The following ZNF138 variants were observed in gnomAD, a reference collection of about 807,000 sequenced individuals.
ZNF138 encodes zinc finger protein 138.
In ZNF138, 33 loss-of-function variants were observed where a neutral mutation model predicts 33.0. The ratio of observed to expected loss-of-function variants is 1.00; its 90% confidence interval spans 0.76 to 1.34. The LOEUF (loss-of-function observed/expected upper bound fraction) is 1.34, where lower values mean the gene tolerates loss of function less well. Among genes scored for constraint, ZNF138 ranks in the 40% most tolerant of loss-of-function variants. The probability of loss-of-function intolerance (pLI) is 0.00; values close to 1 mark genes in which losing one functional copy is unlikely to be tolerated. For synonymous variants in ZNF138, 139 were observed against 120.4 expected, an observed-to-expected ratio of 1.15 and a Z score of -1.01; for missense variants, 360 against 370.8, an observed-to-expected ratio of 0.97 and a Z score of 0.24.
At position 64,832,725 on chromosome 7, in the gene ZNF138, A is replaced by G; in HGVS notation, c.*523A>G. Reference sequence around the variant, plus strand: ...GTCCTCAACTCTTACTGCACATAAGATCATTCATACTGGAGAGAAACCTTA... The same window carrying G: ...GTCCTCAACTCTTACTGCACATAAGGTCATTCATACTGGAGAGAAACCTTA... On this transcript the variant is annotated 3_prime_UTR_variant, in exon 4 of 4. Transcript: ENST00000307355. 5 of 447,368 alleles carry G rather than the reference A, an allele frequency of 1.1e-5. 1 individual carries two copies. The highest frequency in any genetic ancestry group is 8.8e-5 in the South Asian group (5 of 56,924). 27.7% of individuals were successfully genotyped at this position (447,368 alleles called of 1,614,324 possible). A position where few individuals can be genotyped will look rare whatever the true frequency, so the allele number is the denominator to read the frequency against.
chr7:64,832,130 A>G lies in ZNF138; in HGVS notation c.888A>G (p.Lys296=). 1 of 1,612,850 alleles carries G rather than the reference A, an allele frequency of 6.2e-7. No individual in the cohort carries two copies. The highest frequency in any genetic ancestry group is 1.7e-5 in the Admixed American group (1 of 59,932). The change falls in exon 4 of 4, where the codon AAA becomes AAG. Residue 296 remains lysine (K), a synonymous_variant. Coordinates refer to ENST00000307355, the MANE Select transcript of ZNF138 (RefSeq NM_001271639.2). ...KVFKQSPTLT[K]HQIIYTGEEP... Reference sequence around the variant, plus strand: ...TTAAGCAGTCCCCAACCCTTACTAAACATCAGATAATTTATACTGGAGAGG... The same window carrying G: ...TTAAGCAGTCCCCAACCCTTACTAAGCATCAGATAATTTATACTGGAGAGG...
chr7:64,795,911 T>G (rs1374500446), intron 1 of ZNF138, among the ~76,000 whole-genome samples: 1 of 152,180 alleles, frequency 6.6e-6, no homozygotes, highest in Non-Finnish European at 1.5e-5. Context: ...TGAACTCTGG[T>G]TATCTGGGAA....
intron 3 of ZNF138, among the ~76,000 whole-genome samples, chr7:64,822,453 T>A (rs28841902): frequency 0.051 from 7,750 of 151,600 alleles, 323 homozygotes; most frequent in East Asian, 0.15. Context: ...ACATTTTTTT[T>A]AAAAAAATAT....
chr7:64,823,937 CA>C lies in ZNF138; in HGVS notation c.209-7507del, dbSNP rs201262406. On this transcript the variant is annotated intron_variant, in intron 3 of 3. Coordinates refer to ENST00000307355, the MANE Select transcript of ZNF138 (RefSeq NM_001271639.2). ...TGGGTGACAGATTGAGACTCCACCT[CA>C]AAAAAATAAATAAATAAATTTAATA... Among the ~76,000 whole-genome samples, 566 of 152,064 alleles carry C rather than the reference CA, an allele frequency of 3.7e-3. 5 individuals carry two copies. Among genetic ancestry groups the C allele is most frequent in the African/African-American group, 0.013 (531 of 41,476 alleles).
At chr7:64,798,885 T>C (rs1226487171) in intron 1 of ZNF138, among the ~76,000 whole-genome samples, 2 of 151,356 alleles carry the variant, frequency 1.3e-5, no homozygotes, top group African/African-American at 4.8e-5. Flanking sequence ...TTGGCTCTAT[T>C]CTGTTGCATT....
At chr7:64,841,473 T>G in the ZNF138 span, among the ~76,000 whole-genome samples, 1 of 151,332 alleles carries the variant, frequency 6.6e-6, no homozygotes, top group Non-Finnish European at 1.5e-5. Context: ...GCCATAAATA[T>G]TCCTGCTAGA....
downstream of ZNF138, among the ~76,000 whole-genome samples, chr7:64,838,147 C>A (rs556152909): frequency 8.1e-5 from 11 of 136,600 alleles, no homozygotes; most frequent in South Asian, 2.6e-3. Flanking sequence ...AGAGGGGTTC[C>A]CAAGTCTGGG....
At chr7:64,814,802 C>A in intron 1 of ZNF138, 116 bp from the exon 2 acceptor site, 2 of 1,361,946 alleles carry the variant, frequency 1.5e-6, no homozygotes, top group Non-Finnish European at 2.0e-6. Flanking sequence ...TCAGTCACTC[C>A]TGTAAGACAT....
intron 1 of ZNF138, chr7:64,814,191 C>A: frequency 9.7e-7 from 1 of 1,031,532 alleles, no homozygotes; most frequent in Non-Finnish European, 1.2e-6. Context: ...TATTCCATAT[C>A]TTCAGAAAAA....
chr7:64,840,070 T>C, the ZNF138 span, among the ~76,000 whole-genome samples: 149,905 of 152,116 alleles, frequency 0.99, 73,904 homozygotes, highest in East Asian at 1. Flanking sequence ...GTCGGGGTGG[T>C]GGGAACAGGA....
rs528161991 is a variant in ZNF138 at position 64,804,598 on chromosome 7, A to T, written c.3+10027A>T. Among the ~76,000 whole-genome samples the T allele has an allele frequency of 2.0e-5, 3 of 152,236 alleles. No individual in the cohort carries two copies. The East Asian group carries it at 5.8e-4, about 29-fold the overall frequency. On this transcript the variant is annotated intron_variant, in intron 1 of 3. Coordinates refer to ENST00000307355, the MANE Select transcript of ZNF138 (RefSeq NM_001271639.2). ...GGAGTTCAAGACCAGCCTGGCCAAC[A>T]TGGTGAAACCCCATCTCTACTAAAA...
At chr7:64,850,721 T>C in the ZNF138 span, among the ~76,000 whole-genome samples, 2 of 152,160 alleles carry the variant, frequency 1.3e-5, no homozygotes, top group African/African-American at 2.4e-5. Flanking sequence ...ACTGCCTAAA[T>C]CATAGGGTTT....
downstream of ZNF138, among the ~76,000 whole-genome samples, chr7:64,838,141 G>A (rs539049101): frequency 2.0e-4 from 28 of 137,308 alleles, no homozygotes; most frequent in South Asian, 7.0e-4. Flanking sequence ...AGGGTGAGAG[G>A]GGTTCCCAAG....
At chr7:64,820,937 C>T (rs1023339037) in intron 3 of ZNF138, among the ~76,000 whole-genome samples, 1 of 150,940 alleles carries the variant, frequency 6.6e-6, no homozygotes, top group South Asian at 2.1e-4. Context: ...TGTTTTCCAC[C>T]AACAATCAAC....
intron 3 of ZNF138, chr7:64,831,017 T>G: frequency 6.4e-7 from 1 of 1,551,994 alleles, no homozygotes; most frequent in South Asian, 1.2e-5. Context: ...TTCAGCACTT[T>G]ATGTCATGGG....
chr7:64,836,607 T>G (rs2129018256), downstream of ZNF138: 1 of 152,336 alleles, frequency 6.6e-6, no homozygotes, highest in East Asian at 1.9e-4. Context: ...CGTCCCATCC[T>G]CCAGTGGAGG....
chr7:64,831,911 C>G lies in ZNF138; in HGVS notation c.669C>G (p.Tyr223Ter), dbSNP rs1190505814. The G allele has an allele frequency of 1.2e-6, 2 of 1,613,652 alleles. No individual in the cohort carries two copies. The highest frequency in any genetic ancestry group is 3.3e-5 in the Admixed American group (2 of 59,968). ...AAATTCATACTGGAGAAAAACCCTACAAATGTGAAGTATGTGGAAAAGCCT... is the reference window on the plus strand; with the variant it reads ...AAATTCATACTGGAGAAAAACCCTAGAAATGTGAAGTATGTGGAAAAGCCT... ...PKKIHTGEKP[Y>*]KCEVCGKAFH... The change falls in exon 4 of 4, where the codon TAC becomes TAG. Residue 223 changes from tyrosine (Y) to a stop codon, truncating the protein, a stop_gained. Coordinates refer to ENST00000307355, the MANE Select transcript of ZNF138 (RefSeq NM_001271639.2). LOFTEE classifies it high-confidence loss of function.
At chr7:64,809,301 G>C (rs1172881108) in intron 1 of ZNF138, among the ~76,000 whole-genome samples, 227 of 770 alleles carry the variant, frequency 0.29, 102 homozygotes, top group East Asian at 1. Flanking sequence ...GGCGGCTGGA[G>C]GGGCGGGGGG....
downstream of ZNF138, among the ~76,000 whole-genome samples, chr7:64,834,628 A>G (rs1790308741): frequency 6.6e-6 from 1 of 152,340 alleles, no homozygotes; most frequent in South Asian, 2.1e-4. Flanking sequence ...TTGTTGCTGC[A>G]TCAAAGGTAT....
Sources: gnomAD v4.1 joint callset for allele counts (sites outside exome capture counted in the v4.1 genomes callset) on GRCh38, gnomAD v4.1.1 for gene constraint, MANE v1.5 for transcripts, NCBI Gene and HGNC (gene_info 2026-07-23, HGNC 2026-07-21) for gene names.